Variants in MBNL3 observed in about 807,000 individuals in gnomAD.
The protein encoded by MBNL3 is muscleblind like splicing regulator 3.
MBNL3 carries 6 observed loss-of-function variants against 24.5 expected under a neutral mutation model. The observed-to-expected ratio is 0.25, with a 90% confidence interval of 0.13 to 0.48. The LOEUF (loss-of-function observed/expected upper bound fraction) is 0.48, where lower values mean the gene tolerates loss of function less well. MBNL3 is among the 20% of genes least tolerant of loss of function. MBNL3 has a pLI of 0.99. For missense variants in MBNL3, 230 were observed against 293.5 expected (o/e 0.78, Z 1.58); for synonymous variants, 100 against 101.7 (o/e 0.98, Z 0.10).
rs184895777 is a variant in MBNL3, at chrX:132,442,830, C to T, written c.-703-2516G>A. 5.3e-5 allele frequency among the ~76,000 whole-genome samples: 6 copies of T among 112,268 alleles called. No individual in the cohort carries two copies. The East Asian group carries it at 1.4e-3, about 26-fold the overall frequency. On this transcript the variant is annotated intron_variant, in intron 1 of 8. Coordinates refer to ENST00000370853, the MANE Select transcript of MBNL3 (RefSeq NM_001386889.1). ...CAATTCTTCAAAGCATTTCTAGCCA[C>T]CACATGTCTTCCTTCAGACTGGAAC...
At chrX:132,424,993 CTGTTT>C (rs1407836584) in intron 2 of MBNL3, among the ~76,000 whole-genome samples, 2 of 111,849 alleles carry the variant, frequency 1.8e-5, no homozygotes, top group African/African-American at 3.3e-5. Context: ...AGTCTTGGTT[CTGTTT>C]TATCTGTCAG....
At chrX:132,447,545 CCT>C (rs1321352600) in intron 1 of MBNL3, among the ~76,000 whole-genome samples, 1 of 110,500 alleles carries the variant, frequency 9.0e-6, no homozygotes, top group Non-Finnish European at 1.9e-5. Context: ...TCATGATTTG[CCT>C]CTGTTTGTCT....
intron 2 of MBNL3, among the ~76,000 whole-genome samples, chrX:132,416,067 T>C (rs1189262904): frequency 1.8e-5 from 2 of 111,259 alleles, no homozygotes; most frequent in Admixed American, 9.6e-5. Flanking sequence ...GTATCTATCC[T>C]AAAGGAAAAC....
At chrX:132,426,086 GTACC>G (rs1460803458) in intron 2 of MBNL3, among the ~76,000 whole-genome samples, 1 of 111,809 alleles carries the variant, frequency 8.9e-6, no homozygotes, top group East Asian at 2.8e-4. Context: ...AGATCTCTGT[GTACC>G]TCTCAGTTGA....
chrX:132,396,360 CTATATATATTCATATATATTCA>C (rs2148157854), intron 3 of MBNL3, among the ~76,000 whole-genome samples: 1 of 77,628 alleles, frequency 1.3e-5, no homozygotes, highest in Admixed American at 1.5e-4. Context: ...ATATATATTC[CTATATATATTCATATATATTCA>C]TATATATATT....
chrX:132,449,980 C>A (rs1405911749), intron 1 of MBNL3, among the ~76,000 whole-genome samples: 2 of 10,769 alleles, frequency 1.9e-4, no homozygotes, highest in Non-Finnish European at 3.7e-4. Flanking sequence ...GAATATTGCC[C>A]CCCCCCCCCC....
chrX:132,394,938 T>A (rs1569421970), intron 3 of MBNL3, among the ~76,000 whole-genome samples: 2 of 112,057 alleles, frequency 1.8e-5, no homozygotes, highest in Non-Finnish European at 3.8e-5. Flanking sequence ...TTACTGAAAG[T>A]ATTTAGATTT....
At chrX:132,406,073 A>G (rs147477633) in intron 3 of MBNL3, among the ~76,000 whole-genome samples, 155 bp downstream of exon 3, 1,497 of 111,075 alleles carry the variant, frequency 0.013, 20 homozygotes, top group African/African-American at 0.046. Context: ...AGTGCAACAC[A>G]CCTGACTGCT....
chrX:132,456,706 TAA>T (rs1212322788), intron 1 of MBNL3, among the ~76,000 whole-genome samples: 12 of 111,747 alleles, frequency 1.1e-4, no homozygotes, highest in African/African-American at 3.9e-4. Context: ...TCAGAAATCA[TAA>T]GAGTCATAAA....
Position 132,372,039 on chromosome X carries a change from A to C in MBNL3, c.*7627T>G, listed in dbSNP as rs1933658915. The C allele has an allele frequency of 9.0e-6, 1 of 111,389 alleles. No homozygotes were observed. The allele number at this position is 111,389 out of a possible 1,213,427, so 9.2% of individuals were successfully genotyped here. ...CATTTTATTAGAAGAACAAAAAATA[A>C]ACATAGAAGTAGCATACTAAAATGA... is the stretch of plus-strand genomic sequence containing the variant. On this transcript the variant is annotated 3_prime_UTR_variant, in exon 9 of 9. Transcript: ENST00000370853.
At chrX:132,468,938 G>A (rs916228920) in intron 1 of MBNL3, among the ~76,000 whole-genome samples, 2 of 112,494 alleles carry the variant, frequency 1.8e-5, no homozygotes, top group East Asian at 5.5e-4. Flanking sequence ...GAGGTGCCAA[G>A]GAATGTTAAC....
At chrX:132,453,226 C>CA (rs1946198021) in intron 1 of MBNL3, among the ~76,000 whole-genome samples, 1 of 111,270 alleles carries the variant, frequency 9.0e-6, no homozygotes. Flanking sequence ...GAGCCTCTCT[C>CA]ATAGACTTGA....
intron 2 of MBNL3, chrX:132,413,455 T>C: frequency 8.9e-7 from 1 of 1,126,631 alleles, no homozygotes; most frequent in Non-Finnish European, 1.2e-6. Context: ...TAAAGGCAAA[T>C]CCTTGAAAAC....
chrX:132,431,082 T>C (rs1319055001), intron 2 of MBNL3: 3 of 112,115 alleles, frequency 2.7e-5, no homozygotes, highest in Non-Finnish European at 5.6e-5. Context: ...CTATTTTTTA[T>C]TGATAAATGA....
At position 132,381,255 on chromosome X, in the gene MBNL3, G is replaced by A. The variant is rs1325510348; in HGVS notation, c.1053+923C>T. 4 of 449,215 alleles carry A rather than the reference G, an allele frequency of 8.9e-6. 1 individual carries two copies. The African/African-American group carries it at 1.0e-4, about 11-fold the overall frequency. 37.0% of individuals were successfully genotyped at this position (449,215 alleles called of 1,213,427 possible). A position where few individuals can be genotyped will look rare whatever the true frequency, so the allele number is the denominator to read the frequency against. ...AATCAAGCTCTACATCACAAGCAATGTCTATGAATGAAAATATTTACGAAA... is the reference window on the plus strand; with the variant it reads ...AATCAAGCTCTACATCACAAGCAATATCTATGAATGAAAATATTTACGAAA... On this transcript the variant is annotated intron_variant, in intron 8 of 8. Transcript: ENST00000370853.
intron 1 of MBNL3, among the ~76,000 whole-genome samples, chrX:132,483,441 T>C (rs1486018754): frequency 8.9e-6 from 1 of 112,290 alleles, no homozygotes; most frequent in Non-Finnish European, 1.9e-5. Context: ...TTTTCCCCAT[T>C]GGTAAATTAA....
intron 2 of MBNL3, among the ~76,000 whole-genome samples, chrX:132,421,963 A>C (rs1470310030): frequency 8.9e-6 from 1 of 112,115 alleles, no homozygotes; most frequent in African/African-American, 3.2e-5. Flanking sequence ...AGTGATTTTA[A>C]ATATCATTTA....
At chrX:132,408,677 ACTTAT>A (rs1436732261) in intron 2 of MBNL3, among the ~76,000 whole-genome samples, 12 of 111,873 alleles carry the variant, frequency 1.1e-4, no homozygotes, top group Admixed American at 1.9e-4. Flanking sequence ...ACATAAAGTA[ACTTAT>A]CTTAAGCTTT....
At chrX:132,413,972 C>G (rs1157215344) in intron 2 of MBNL3, among the ~76,000 whole-genome samples, 1 of 111,631 alleles carries the variant, frequency 9.0e-6, no homozygotes, top group Non-Finnish European at 1.9e-5. Flanking sequence ...TACTCAAATT[C>G]GAGTAAAAGT....
Sources: allele counts gnomAD v4.1 joint callset (sites outside exome capture counted in the v4.1 genomes callset), GRCh38; gene constraint gnomAD v4.1.1; transcripts MANE v1.5; gene names NCBI Gene and HGNC (gene_info 2026-07-23, HGNC 2026-07-21).